Variants in MYO5B observed in about 807,000 individuals in gnomAD.
MYO5B encodes the protein unconventional myosin-Vb.
Under a neutral mutation model 229.3 loss-of-function variants are expected in MYO5B, and 143 were observed. The observed-to-expected ratio is 0.62, with a 90% CI of 0.54 to 0.72. The LOEUF (loss-of-function observed/expected upper bound fraction) is 0.72. Ranked by LOEUF, MYO5B falls within the 30% of genes least tolerant of loss-of-function variation. MYO5B has a pLI of 0.00. For missense variants in MYO5B, 2,321 were observed against 2,331.0 expected (o/e 1.00, Z 0.09); for synonymous variants, 918 against 885.2 (o/e 1.04, Z -0.66).
chr18:49,914,136 C>A (rs2024987188), intron 17 of MYO5B, among the ~76,000 whole-genome samples: 1 of 152,164 alleles, frequency 6.6e-6, no homozygotes, highest in Non-Finnish European at 1.5e-5. Flanking sequence ...TTAAGCCATC[C>A]ACCGACGGCA....
chr18:49,966,208 G>T (rs1568051065), intron 10 of MYO5B, among the ~76,000 whole-genome samples: 1 of 152,286 alleles, frequency 6.6e-6, no homozygotes, highest in Non-Finnish European at 1.5e-5. Context: ...CCCCCATCAG[G>T]AGGAGTAGGA....
At chr18:50,008,868 C>T (rs1468020709) in intron 4 of MYO5B, among the ~76,000 whole-genome samples, 1 of 152,170 alleles carries the variant, frequency 6.6e-6, no homozygotes, top group Non-Finnish European at 1.5e-5. Context: ...TGTCTACATG[C>T]TCTAATCATA....
At chr18:49,897,572 T>C (rs1028576135) in intron 21 of MYO5B, among the ~76,000 whole-genome samples, 12 of 152,160 alleles carry the variant, frequency 7.9e-5, no homozygotes, top group African/African-American at 2.9e-4. Context: ...CAAAAATAAA[T>C]TTTAAAAATA....
intron 1 of MYO5B, among the ~76,000 whole-genome samples, chr18:50,190,883 G>A (rs1370092721): frequency 1.3e-5 from 2 of 152,182 alleles, no homozygotes; most frequent in Non-Finnish European, 2.9e-5. Context: ...TCCCAAAAAT[G>A]TATAAATGCT....
At position 49,983,847 on chromosome 18, in the gene MYO5B, G is replaced by T. The variant is rs116591039; in HGVS notation, c.946+871C>A. Among the ~76,000 whole-genome samples, 937 of 152,316 alleles carry T rather than the reference G, an allele frequency of 6.2e-3. 16 individuals are homozygous for T. The highest frequency in any genetic ancestry group is 0.022 in the African/African-American group (897 of 41,574). ...GGTCTGGTTGCCTCCCCATAGAGAG[G>T]TTAAGGTGTGTCCCGTTTGACCATG... On this transcript the variant is annotated intron_variant, in intron 8 of 39. Transcript: ENST00000285039.
intron 16 of MYO5B, among the ~76,000 whole-genome samples, chr18:49,930,548 A>G (rs2025178192): frequency 6.6e-6 from 1 of 152,194 alleles, no homozygotes; most frequent in Non-Finnish European, 1.5e-5. Context: ...TGAAAATGCC[A>G]AAAGAAGCCA....
At chr18:50,151,615 T>A (rs1022260441) in intron 1 of MYO5B, among the ~76,000 whole-genome samples, 30 of 152,352 alleles carry the variant, frequency 2.0e-4, no homozygotes, top group African/African-American at 7.0e-4. Context: ...CATTGTTATG[T>A]GCATTAAACT....
At chr18:50,125,501 C>T (rs1157230999) in intron 1 of MYO5B, among the ~76,000 whole-genome samples, 2 of 151,806 alleles carry the variant, frequency 1.3e-5, no homozygotes, top group Non-Finnish European at 2.9e-5. Context: ...GTACATGTAA[C>T]CTACAACTTA....
chr18:49,969,757 C>T (rs2025670170), intron 10 of MYO5B: 1 of 152,196 alleles, frequency 6.6e-6, no homozygotes, highest in Admixed American at 6.5e-5. Flanking sequence ...GGAAGTACCA[C>T]AAGAAAGTAA....
intron 1 of MYO5B, among the ~76,000 whole-genome samples, chr18:50,178,158 G>A (rs1163575973): frequency 6.6e-6 from 1 of 152,124 alleles, no homozygotes; most frequent in East Asian, 1.9e-4. Context: ...TGTGGGGAGA[G>A]GGTAGTTGTG....
At chr18:49,871,670 C>T (rs79374597) in intron 27 of MYO5B, 13,285 of 214,592 alleles carry the variant, frequency 0.062, 448 homozygotes, top group East Asian at 0.13. Context: ...ACCAACCAGC[C>T]AGAGTTATTT....
Position 49,877,848 on chromosome 18 carries a change from T to G in MYO5B, c.3311A>C (p.Gln1104Pro). The G allele has an allele frequency of 6.2e-7, 1 of 1,614,154 alleles. No individual in the cohort carries two copies. The highest frequency in any genetic ancestry group is 1.7e-4 in the Middle Eastern group (1 of 6,060). ...TPGHRRNPSNQSSLESDSNYP... is the reference protein window; with the variant it reads ...TPGHRRNPSNPSSLESDSNYP... ...ATTGGAGTCAGATTCTAAGCTACTT[T>G]GGTTTGATGGGTTCCGCCTATGACC... Residue 1104 changes from glutamine (Q) to proline (P), a missense_variant, in exon 25 of 40, where the codon CAA becomes CCA. Coordinates refer to ENST00000285039, the MANE Select transcript of MYO5B (RefSeq NM_001080467.3).
At chr18:49,983,540 G>A (rs2025838528) in intron 8 of MYO5B, among the ~76,000 whole-genome samples, 1 of 152,132 alleles carries the variant, frequency 6.6e-6, no homozygotes, top group Non-Finnish European at 1.5e-5. Flanking sequence ...ACCTTTATTG[G>A]CTGTTCTTCC....
At chr18:50,093,349 C>G (rs1228062192) in intron 1 of MYO5B, among the ~76,000 whole-genome samples, 1 of 152,008 alleles carries the variant, frequency 6.6e-6, no homozygotes, top group East Asian at 1.9e-4. Context: ...CCAGTCATGC[C>G]AAGTCTAGAA....
chr18:50,109,600 G>A (rs1418679650), intron 1 of MYO5B, among the ~76,000 whole-genome samples: 1 of 151,770 alleles, frequency 6.6e-6, no homozygotes, highest in Non-Finnish European at 1.5e-5. Flanking sequence ...AATTTTTTTT[G>A]TATTTTTAGT....
chr18:50,175,364 T>C (rs1599078582), intron 1 of MYO5B, among the ~76,000 whole-genome samples: 1 of 152,220 alleles, frequency 6.6e-6, no homozygotes, highest in Admixed American at 6.5e-5. Context: ...CAACAGGTGG[T>C]CATCTTCCAT....
chr18:50,033,293 G>A (rs983505492), intron 4 of MYO5B, among the ~76,000 whole-genome samples: 25 of 152,124 alleles, frequency 1.6e-4, no homozygotes, highest in African/African-American at 6.0e-4. Flanking sequence ...CCACCTAGAG[G>A]CCCTCTTCTT....
In MYO5B at chr18:49,856,837, T is replaced by C; in HGVS notation, c.3998A>G (p.Tyr1333Cys). 1 of 1,614,136 alleles carries C rather than the reference T, an allele frequency of 6.2e-7. No homozygotes were observed. Among genetic ancestry groups the C allele is most frequent in the Non-Finnish European group, 8.5e-7 (1 of 1,179,944 alleles). Reference protein sequence around the residue: ...LNEDGELGLAYQGLKQVARLL... With the variant: ...LNEDGELGLACQGLKQVARLL... ...CCTGGCAACTTGCTTTAGGCCTTGG[T>C]AGGCCAAGCCGAGTTCTCCATCTTC... The change falls in exon 30 of 40, where the codon TAC (tyrosine) becomes TGC (cysteine). Residue 1333 changes from tyrosine (Y) to cysteine (C), a missense_variant. Transcript: ENST00000285039.
chr18:50,028,489 G>A (rs927507598), intron 4 of MYO5B, among the ~76,000 whole-genome samples: 2 of 152,128 alleles, frequency 1.3e-5, no homozygotes, highest in Non-Finnish European at 2.9e-5. Flanking sequence ...ATGGCAGTGG[G>A]GGGAGCCAGG....
Sources: gnomAD v4.1 joint callset for allele counts (sites outside exome capture counted in the v4.1 genomes callset) on GRCh38, gnomAD v4.1.1 for gene constraint, MANE v1.5 for transcripts, NCBI Gene and HGNC (gene_info 2026-07-23, HGNC 2026-07-21) for gene names.